The following ATF7IP variants were observed in gnomAD, a reference collection of about 807,000 sequenced individuals.
ATF7IP encodes activating transcription factor 7-interacting protein 1.
A neutral mutation model predicts 106.4 loss-of-function variants in ATF7IP; 23 were observed. The observed-to-expected ratio is 0.22, with a 90% confidence interval of 0.16 to 0.31. The LOEUF (loss-of-function observed/expected upper bound fraction) is 0.31, where lower values mean the gene tolerates loss of function less well. ATF7IP is among the 10% of genes least tolerant of loss of function. The pLI is 1.00. For synonymous variants in ATF7IP, 542 were observed against 539.0 expected (o/e 1.01, Z -0.08); for missense variants, 1,334 against 1,524.3 (o/e 0.88, Z 2.08).
At chr12:14,443,604 C>A (rs1426367714) in intron 5 of ATF7IP, among the ~76,000 whole-genome samples, 1 of 152,038 alleles carries the variant, frequency 6.6e-6, no homozygotes, top group Non-Finnish European at 1.5e-5. Flanking sequence ...TTTTCAGAAA[C>A]CTGTTGTAAA....
At chr12:14,446,482 CAG>C (rs1942965666) in intron 5 of ATF7IP, among the ~76,000 whole-genome samples, 2 of 152,258 alleles carry the variant, frequency 1.3e-5, no homozygotes, top group South Asian at 4.1e-4. Context: ...TAAAGACTAA[CAG>C]AATATGTAAT....
At chr12:14,464,411 G>A (rs1943751690) in intron 9 of ATF7IP, among the ~76,000 whole-genome samples, 1 of 152,208 alleles carries the variant, frequency 6.6e-6, no homozygotes, top group African/African-American at 2.4e-5. Context: ...TGAGCGAAGT[G>A]TTTGCCTTTT....
At chr12:14,455,367 T>G (rs937650743) in intron 6 of ATF7IP, among the ~76,000 whole-genome samples, 1 of 152,158 alleles carries the variant, frequency 6.6e-6, no homozygotes, top group East Asian at 1.9e-4. Context: ...ATTGTCTTAA[T>G]TCTATTGTTT....
chr12:14,451,564 T>C (rs1051417758), intron 6 of ATF7IP, among the ~76,000 whole-genome samples: 22 of 152,120 alleles, frequency 1.4e-4, no homozygotes, highest in Non-Finnish European at 3.1e-4. Context: ...TATTTTGTTT[T>C]CATTTTCATT....
intron 5 of ATF7IP, among the ~76,000 whole-genome samples, chr12:14,446,305 G>A (rs944848950): frequency 6.6e-6 from 1 of 151,940 alleles, no homozygotes; most frequent in East Asian, 1.9e-4. Flanking sequence ...GTGCCACCAC[G>A]CCTGGCTAAT....
Position 14,455,272 on chromosome 12 carries a change from G to A in ATF7IP, c.1996-1289G>A, listed in dbSNP as rs888412291. Among the ~76,000 whole-genome samples the A allele has an allele frequency of 3.3e-5, 5 of 149,574 alleles. No individual in the cohort carries two copies. In the East Asian group the frequency reaches 5.8e-4, roughly 17 times the overall value. ...TTTCTTTTTTAAGCTTTTTGCATTC[G>A]CCTTACACAGTTATTTTAATGTGCT... On this transcript the variant is annotated intron_variant, in intron 6 of 14. Transcript: ENST00000261168.
intron 1 of ATF7IP, among the ~76,000 whole-genome samples, chr12:14,422,306 A>C (rs1941562204): frequency 7.4e-6 from 1 of 135,856 alleles, no homozygotes; most frequent in Non-Finnish European, 1.6e-5. Flanking sequence ...TACCAAAAAA[A>C]GAGAATACAC....
At chr12:14,430,900 A>G (rs1942084018) in intron 2 of ATF7IP, among the ~76,000 whole-genome samples, 1 of 152,256 alleles carries the variant, frequency 6.6e-6, no homozygotes, top group Non-Finnish European at 1.5e-5. Flanking sequence ...GACAGAATTA[A>G]GAGGTTGTGT....
Position 14,478,407 on chromosome 12 carries a change from C to G in ATF7IP, c.3032C>G (p.Pro1011Arg). The G allele has an allele frequency of 1.2e-6, 2 of 1,614,102 alleles. No individual in the cohort carries two copies. Among genetic ancestry groups the G allele is most frequent in the Non-Finnish European group, 1.7e-6 (2 of 1,179,970 alleles). The stretch of plus-strand genomic sequence containing the variant: ...TTGCAACCCATACAACCAGCACCGC[C>G]TCTTCAACCATCTGGGGTGCCAACA... ...RPLQPIQPAPPLQPSGVPTSG... is the reference protein window; with the variant it reads ...RPLQPIQPAPRLQPSGVPTSG... Residue 1011 changes from proline (P) to arginine (R), a missense_variant, in exon 12 of 15, where the codon CCT becomes CGT. Physicochemically the swap from Pro to Arg is moderately radical, Grantham distance 103. This residue lies in a region of ATF7IP where 370 missense variants were observed against 401.2 expected (regional missense o/e 0.92). Transcript: ENST00000261168.
At chr12:14,465,417 T>C (rs1943793787) in intron 9 of ATF7IP, among the ~76,000 whole-genome samples, 1 of 151,938 alleles carries the variant, frequency 6.6e-6, no homozygotes, top group Admixed American at 6.5e-5. Flanking sequence ...ACCTAGTGTA[T>C]CTTAATACTC....
chr12:14,374,356 C>G (rs891431087), intron 1 of ATF7IP, among the ~76,000 whole-genome samples: 2 of 147,924 alleles, frequency 1.4e-5, no homozygotes, highest in South Asian at 4.3e-4. Context: ...TCAAGCAATC[C>G]TCCCCTCTTG....
intron 6 of ATF7IP, among the ~76,000 whole-genome samples, chr12:14,455,509 C>T (rs979170456): frequency 6.6e-6 from 1 of 152,158 alleles, no homozygotes; most frequent in Non-Finnish European, 1.5e-5. Flanking sequence ...TAATTCTAAG[C>T]ATTTACTACC....
chr12:14,494,868 G>C (rs1944961225), intron 13 of ATF7IP, among the ~76,000 whole-genome samples: 1 of 149,536 alleles, frequency 6.7e-6, no homozygotes, highest in South Asian at 2.1e-4. Flanking sequence ...AGGAGGCGGA[G>C]GTTGCAGTGA....
chr12:14,457,740 G>A (rs147200159), intron 8 of ATF7IP, among the ~76,000 whole-genome samples: 2,222 of 152,220 alleles, frequency 0.015, 21 homozygotes, highest in Non-Finnish European at 0.019. Flanking sequence ...TTTATTATCA[G>A]TCGAAATGAA....
intron 1 of ATF7IP, among the ~76,000 whole-genome samples, chr12:14,390,733 A>C (rs766155973): frequency 2.0e-5 from 3 of 152,234 alleles, no homozygotes; most frequent in Non-Finnish European, 4.4e-5. Flanking sequence ...GGCCATTACA[A>C]ACTTTATTTT....
chr12:14,413,092 C>G (rs1565490164), intron 1 of ATF7IP, among the ~76,000 whole-genome samples: 2 of 152,172 alleles, frequency 1.3e-5, no homozygotes, highest in African/African-American at 2.4e-5. Context: ...TAGTTCAATG[C>G]TGACTAGAAA....
chr12:14,479,732 A>AT (rs1240260898), intron 12 of ATF7IP, among the ~76,000 whole-genome samples: 8 of 152,104 alleles, frequency 5.3e-5, no homozygotes, highest in Non-Finnish European at 1.5e-5. Context: ...GTTAAAATAA[A>AT]TTTTACCTTG....
At chr12:14,489,557 G>A (rs1004166002) in intron 13 of ATF7IP, among the ~76,000 whole-genome samples, 1 of 152,140 alleles carries the variant, frequency 6.6e-6, no homozygotes, top group African/African-American at 2.4e-5. Flanking sequence ...GTGGACCCAT[G>A]AATCCTGGCT....
intron 1 of ATF7IP, among the ~76,000 whole-genome samples, chr12:14,405,546 C>T (rs112892529): frequency 0.14 from 20,636 of 151,098 alleles, 1,955 homozygotes; most frequent in Non-Finnish European, 0.19. Flanking sequence ...TCCGGAGTAG[C>T]TGGGACCACA....
Sources: allele counts gnomAD v4.1 joint callset (sites outside exome capture counted in the v4.1 genomes callset), GRCh38; gene constraint gnomAD v4.1.1; regional missense constraint gnomAD v4.1.1; transcripts MANE v1.5; gene names NCBI Gene and HGNC (gene_info 2026-07-23, HGNC 2026-07-21).